TMEM255A: variants seen among roughly 807,000 people sequenced by gnomAD.
TMEM255A encodes transmembrane protein 255A.
TMEM255A carries 14 observed loss-of-function variants against 23.5 expected under a neutral mutation model. The observed-to-expected ratio is 0.60, with a 90% confidence interval of 0.39 to 0.93. The LOEUF (loss-of-function observed/expected upper bound fraction) is 0.93. Ranked by LOEUF, TMEM255A falls within the 40% of genes least tolerant of loss-of-function variation. TMEM255A has a pLI of 0.00. For synonymous variants in TMEM255A, 104 were observed against 100.3 expected, an observed-to-expected ratio of 1.04 and a Z score of -0.22; for missense variants, 233 against 261.7, an observed-to-expected ratio of 0.89 and a Z score of 0.76.
intron 5 of TMEM255A, among the ~76,000 whole-genome samples, chrX:120,285,453 G>T (rs914795977): frequency 5.4e-5 from 6 of 111,312 alleles, no homozygotes; most frequent in African/African-American, 9.8e-5. Context: ...CCCCATCCCT[G>T]AATGGTGGAG....
At chrX:120,265,113 G>A (rs782150020) in intron 8 of TMEM255A, among the ~76,000 whole-genome samples, 1 of 111,444 alleles carries the variant, frequency 9.0e-6, no homozygotes, top group East Asian at 2.8e-4. Flanking sequence ...CCGACCTCAG[G>A]TGATCGCCCG....
intron 3 of TMEM255A, among the ~76,000 whole-genome samples, 185 bp downstream of exon 3, chrX:120,293,804 A>T (rs2057933621): frequency 8.9e-6 from 1 of 112,410 alleles, no homozygotes; most frequent in Non-Finnish European, 1.9e-5. Flanking sequence ...ATCAAGCAAG[A>T]TGAGAACCAA....
chrX:120,285,497 C>T lies in TMEM255A; in HGVS notation c.424-282G>A, dbSNP rs781927613. 4.5e-5 allele frequency: 41 copies of T among 917,774 alleles called. No individual in the cohort carries two copies. The East Asian group carries it at 5.6e-4, about 13-fold the overall frequency. 75.6% of individuals were successfully genotyped at this position (917,774 alleles called of 1,213,427 possible). A position where few individuals can be genotyped will look rare whatever the true frequency, so the allele number is the denominator to read the frequency against. On this transcript the variant is annotated intron_variant, in intron 5 of 8. Coordinates refer to ENST00000371369, the MANE Select transcript of TMEM255A (RefSeq NM_001104544.3). The stretch of plus-strand genomic sequence containing the variant: ...AAGGAAGGACAGATGGAAGGACAGA[C>T]GGAAGAACAAATGGACTGAAGGAAA...
At chrX:120,284,915 A>G (rs1470968306) in intron 6 of TMEM255A, among the ~76,000 whole-genome samples, 1 of 112,291 alleles carries the variant, frequency 8.9e-6, no homozygotes, top group Admixed American at 9.4e-5. Context: ...TGCATACATC[A>G]TAAGTAAGAA....
intron 2 of TMEM255A, among the ~76,000 whole-genome samples, chrX:120,296,355 C>T (rs1196876623): frequency 1.1e-5 from 1 of 93,559 alleles, no homozygotes; most frequent in Non-Finnish European, 2.1e-5. Flanking sequence ...CAGCCAGTTA[C>T]TTCATCCAGT....
chrX:120,269,189 G>A (rs2083070705), intron 7 of TMEM255A, among the ~76,000 whole-genome samples: 1 of 110,330 alleles, frequency 9.1e-6, no homozygotes, highest in Admixed American at 9.6e-5. Flanking sequence ...TCACAACATG[G>A]TGGTGTGTGT....
intron 7 of TMEM255A, among the ~76,000 whole-genome samples, chrX:120,275,784 A>ATTTT (rs11342181): frequency 0.083 from 4,997 of 60,223 alleles, 467 homozygotes; most frequent in East Asian, 0.16. Context: ...GAGCCCAAGC[A>ATTTT]TTTTTTTTTT....
At chrX:120,304,606 T>C (rs1297682772) in intron 1 of TMEM255A, 115 bp from the exon 2 acceptor site, 1 of 819,562 alleles carries the variant, frequency 1.2e-6, no homozygotes, top group Non-Finnish European at 1.8e-6. Context: ...ACTGAAGTTA[T>C]CTTTGGTGGT....
chrX:120,261,022 C>T lies in TMEM255A; in HGVS notation c.826G>A (p.Gly276Ser), dbSNP rs191583714. Reference protein sequence around the residue: ...PYSAYDFQHSGVFPSSPPSGL... With the variant: ...PYSAYDFQHSSVFPSSPPSGL... ...GAGGGAGGGGAGGATGGAAAGACAC[C>T]GGAATGCTGTGTGATAAAAAGAAAA... Residue 276 changes from glycine (G) to serine (S), a missense_variant, in exon 9 of 9, where the codon GGT becomes AGT. Coordinates refer to ENST00000371369, the MANE Select transcript of TMEM255A (RefSeq NM_001104544.3). 2.1e-5 allele frequency: 25 copies of T among 1,186,703 alleles called. No homozygotes were observed. The highest frequency in any genetic ancestry group is 2.5e-4 in the Middle Eastern group (1 of 3,978).
intron 8 of TMEM255A, among the ~76,000 whole-genome samples, chrX:120,266,350 T>C (rs1341599298): frequency 9.4e-6 from 1 of 106,783 alleles, no homozygotes; most frequent in East Asian, 3.0e-4. Context: ...CCCAAGTCCC[T>C]AGACTAACGC....
At chrX:120,304,552 G>T (rs2058052252) in intron 1 of TMEM255A, 61 bp from the exon 2 acceptor site, 1 of 1,118,144 alleles carries the variant, frequency 8.9e-7, no homozygotes, top group Non-Finnish European at 1.2e-6. Flanking sequence ...TTGACTTAAA[G>T]AAAAAAACAC....
intron 8 of TMEM255A, among the ~76,000 whole-genome samples, chrX:120,266,047 G>C (rs782731590): frequency 2.8e-5 from 3 of 106,653 alleles, no homozygotes; most frequent in Non-Finnish European, 5.8e-5. Context: ...CCAGCTACTC[G>C]GGAGGCTGAG....
intron 6 of TMEM255A, among the ~76,000 whole-genome samples, chrX:120,279,703 ACTCTAG>A (rs1556020435): frequency 8.9e-6 from 1 of 111,817 alleles, no homozygotes; most frequent in East Asian, 2.8e-4. Flanking sequence ...CCAGATGCTG[ACTCTAG>A]CAACTTACTT....
chrX:120,288,680 G>A (rs1180841256), intron 4 of TMEM255A, among the ~76,000 whole-genome samples: 1 of 112,243 alleles, frequency 8.9e-6, no homozygotes, highest in Non-Finnish European at 1.9e-5. Context: ...CCAGGGCTTG[G>A]CAACCTCTGT....
chrX:120,275,890 T>C (rs782608464), intron 7 of TMEM255A, among the ~76,000 whole-genome samples: 2 of 102,566 alleles, frequency 1.9e-5, no homozygotes, highest in East Asian at 6.6e-4. Context: ...CCTCCTGGGC[T>C]CAAGTGATCC....
In TMEM255A at chrX:120,300,190, T is replaced by C. The variant is rs782057693; in HGVS notation, c.201+4159A>G. Among the ~76,000 whole-genome samples the C allele has an allele frequency of 8.1e-5, 9 of 110,630 alleles. No homozygotes were observed. The East Asian group carries it at 2.6e-3, about 31-fold the overall frequency. On this transcript the variant is annotated intron_variant, in intron 2 of 8. Transcript: ENST00000371369. ...TTCCTGCATCTAAGGTAAGAGGAGG[T>C]GTACCGGGAAGCAGCAATCACCCTC...
At chrX:120,269,504 G>T (rs1349084749) in intron 7 of TMEM255A, among the ~76,000 whole-genome samples, 2 of 112,070 alleles carry the variant, frequency 1.8e-5, no homozygotes, top group Non-Finnish European at 3.8e-5. Context: ...GTGTAGGCAG[G>T]CTTTGGCAGT....
chrX:120,255,491 G>C (rs1419953267), downstream of TMEM255A: 6 of 963,387 alleles, frequency 6.2e-6, no homozygotes, highest in Non-Finnish European at 8.6e-6. Context: ...GGTTTCAGAA[G>C]ATCTGTAAAA....
intron 1 of TMEM255A, among the ~76,000 whole-genome samples, chrX:120,304,860 T>G (rs781817203): frequency 9.8e-4 from 109 of 111,264 alleles, no homozygotes; most frequent in Admixed American, 2.2e-3. Flanking sequence ...AGTGTGTGTG[T>G]GGGGGAGGGG....
Sources: allele counts gnomAD v4.1 joint callset (sites outside exome capture counted in the v4.1 genomes callset), GRCh38; gene constraint gnomAD v4.1.1; transcripts MANE v1.5; gene names NCBI Gene and HGNC (gene_info 2026-07-23, HGNC 2026-07-21).